The following SND1 variants were observed in gnomAD, a reference collection of about 807,000 sequenced individuals.
SND1 encodes staphylococcal nuclease and tudor domain containing 1.
SND1 carries 38 observed loss-of-function variants against 121.7 expected under a neutral mutation model. That is an observed-to-expected ratio of 0.31 (90% CI 0.24 to 0.41). SND1 has a LOEUF of 0.41. Ranked by LOEUF, SND1 falls within the 10% of genes least tolerant of loss-of-function variation. SND1 has a pLI of 1.00. For synonymous variants in SND1, 401 were observed against 447.4 expected (o/e 0.90, Z 1.31); for missense variants, 868 against 1,184.6 (o/e 0.73, Z 3.92).
At chr7:127,791,678 C>T (rs1446184579) in intron 10 of SND1, among the ~76,000 whole-genome samples, 2 of 152,186 alleles carry the variant, frequency 1.3e-5, no homozygotes, top group African/African-American at 4.8e-5. Flanking sequence ...TTTTTGACAG[C>T]TGGCTTAAGA....
rs1800316295 is a variant in SND1 at position 127,905,479 on chromosome 7, TTTG to T, written c.1527+664_1527+666del. ...AGTTTATTCATTTAGTCAACAAGTA[TTTG>T]TTGAGTGCCTGCTGTATGCCAGGAA... On this transcript the variant is annotated intron_variant, in intron 14 of 23. Coordinates refer to ENST00000354725, the MANE Select transcript of SND1 (RefSeq NM_014390.4). Among the ~76,000 whole-genome samples, 3 of 152,150 alleles carry T rather than the reference TTTG, an allele frequency of 2.0e-5. No homozygotes were observed. In the South Asian group the frequency reaches 6.2e-4, roughly 32 times the overall value.
intron 16 of SND1, among the ~76,000 whole-genome samples, chr7:128,004,021 G>A (rs1305928111): frequency 6.6e-6 from 1 of 150,698 alleles, no homozygotes; most frequent in Non-Finnish European, 1.5e-5. Flanking sequence ...CACATCAGCA[G>A]CTTTGTAACT....
At chr7:127,818,765 AT>A (rs1798494036) in intron 11 of SND1, among the ~76,000 whole-genome samples, 1 of 152,216 alleles carries the variant, frequency 6.6e-6, no homozygotes, top group Non-Finnish European at 1.5e-5. Context: ...GGTTTCCACC[AT>A]CTCCAAACTT....
In SND1 at chr7:127,974,936, T is replaced by A. The variant is rs1191509456; in HGVS notation, c.1670-16011T>A. ...AGTTGTATTGCTGAAGAGCATCTTG[T>A]GTCAGGAGATCTAATTGCCTTCAGA... On this transcript the variant is annotated intron_variant, in intron 15 of 23. Coordinates refer to ENST00000354725, the MANE Select transcript of SND1 (RefSeq NM_014390.4). Among the ~76,000 whole-genome samples, 4 of 152,312 alleles carry A rather than the reference T, an allele frequency of 2.6e-5. No individual in the cohort carries two copies. The South Asian group carries it at 6.2e-4, about 24-fold the overall frequency.
intron 1 of SND1, among the ~76,000 whole-genome samples, chr7:127,661,318 C>T (rs567810551): frequency 7.6e-4 from 116 of 152,222 alleles, no homozygotes; most frequent in Non-Finnish European, 1.2e-3. Context: ...CACTCATCTG[C>T]GACTTTTCCT....
intron 10 of SND1, among the ~76,000 whole-genome samples, chr7:127,754,438 G>C (rs1400946671): frequency 6.6e-6 from 1 of 152,178 alleles, no homozygotes; most frequent in Non-Finnish European, 1.5e-5. Flanking sequence ...AACAATAGAG[G>C]TTTATTTCTC....
intron 16 of SND1, among the ~76,000 whole-genome samples, chr7:128,044,191 T>A (rs1318708635): frequency 6.6e-6 from 1 of 152,228 alleles, no homozygotes; most frequent in Admixed American, 6.5e-5. Flanking sequence ...CCACCTCCTA[T>A]CTAAAGTGTC....
chr7:127,990,133 G>T (rs1802487963), intron 15 of SND1, among the ~76,000 whole-genome samples: 1 of 152,196 alleles, frequency 6.6e-6, no homozygotes, highest in African/African-American at 2.4e-5. Context: ...ATAGGATATA[G>T]TAAACGTCTC....
intron 11 of SND1, among the ~76,000 whole-genome samples, chr7:127,838,273 AC>A (rs1798902229): frequency 6.6e-6 from 1 of 152,188 alleles, no homozygotes; most frequent in South Asian, 2.1e-4. Flanking sequence ...AGGAAGTTAA[AC>A]TTTAAAATGG....
chr7:127,978,264 C>T (rs1427544761), intron 15 of SND1, among the ~76,000 whole-genome samples: 3 of 151,854 alleles, frequency 2.0e-5, no homozygotes, highest in East Asian at 3.9e-4. Flanking sequence ...AAGGGGTTGG[C>T]GCTCAGTGGT....
At chr7:127,803,357 G>A (rs1798171354) in intron 10 of SND1, among the ~76,000 whole-genome samples, 1 of 151,998 alleles carries the variant, frequency 6.6e-6, no homozygotes, top group East Asian at 1.9e-4. Context: ...TACTGTCAGT[G>A]CTTTCTTTGA....
intron 16 of SND1, among the ~76,000 whole-genome samples, chr7:128,034,876 G>A (rs1352311045): frequency 6.6e-6 from 1 of 152,206 alleles, no homozygotes; most frequent in Non-Finnish European, 1.5e-5. Flanking sequence ...GGTAACCCAA[G>A]TACCATCTAG....
intron 1 of SND1, among the ~76,000 whole-genome samples, chr7:127,667,528 T>C (rs1795440320): frequency 6.6e-6 from 1 of 152,208 alleles, no homozygotes; most frequent in African/African-American, 2.4e-5. Context: ...AGTAACGCAG[T>C]AGCTGCTGTC....
At chr7:127,864,326 T>G (rs1238564679) in intron 12 of SND1, among the ~76,000 whole-genome samples, 1 of 151,540 alleles carries the variant, frequency 6.6e-6, no homozygotes, top group Non-Finnish European at 1.5e-5. Flanking sequence ...GCTTCTCACT[T>G]CCTTCCAATT....
At position 128,019,301 on chromosome 7, in the gene SND1, T is replaced by C. The variant is rs148242411; in HGVS notation, c.1779+28245T>C. Among the ~76,000 whole-genome samples the C allele has an allele frequency of 2.0e-3, 312 of 152,340 alleles. 2 individuals carry two copies. Among genetic ancestry groups the C allele is most frequent in the Middle Eastern group, 0.017 (5 of 294 alleles). On this transcript the variant is annotated intron_variant, in intron 16 of 23. Coordinates refer to ENST00000354725, the MANE Select transcript of SND1 (RefSeq NM_014390.4). ...GGAAGAGCATTCTCTTTGGTTATCT[T>C]TCTCTCTCCCCATCAATAGCACATC...
intron 1 of SND1, among the ~76,000 whole-genome samples, chr7:127,679,470 G>T (rs1795672889): frequency 1.3e-5 from 2 of 151,970 alleles, no homozygotes; most frequent in Non-Finnish European, 2.9e-5. Flanking sequence ...ATACCATAAA[G>T]TTGACACTTT....
intron 10 of SND1, among the ~76,000 whole-genome samples, chr7:127,737,706 G>A (rs1259462788): frequency 1.3e-5 from 2 of 152,202 alleles, no homozygotes; most frequent in African/African-American, 2.4e-5. Context: ...GTATTTGAAT[G>A]TGCTCACTAG....
At chr7:127,941,620 CTG>C (rs1197063261) in intron 15 of SND1, among the ~76,000 whole-genome samples, 4 of 152,170 alleles carry the variant, frequency 2.6e-5, no homozygotes, top group African/African-American at 4.8e-5. Context: ...TGTCTCTTCT[CTG>C]TGTGTGTTTT....
At chr7:127,816,869 G>T (rs1798452667) in intron 11 of SND1, among the ~76,000 whole-genome samples, 1 of 151,950 alleles carries the variant, frequency 6.6e-6, no homozygotes, top group South Asian at 2.1e-4. Flanking sequence ...CACCATGTTG[G>T]CTAGGGGTCT....
Sources: gnomAD v4.1 joint callset for allele counts (sites outside exome capture counted in the v4.1 genomes callset) on GRCh38, gnomAD v4.1.1 for gene constraint, MANE v1.5 for transcripts, NCBI Gene and HGNC (gene_info 2026-07-23, HGNC 2026-07-21) for gene names.